Variants in PLXNA4 observed in about 807,000 individuals in gnomAD.
PLXNA4 encodes the protein plexin A4, also known as plexin-A4.
A neutral mutation model predicts 191.8 loss-of-function variants in PLXNA4; 44 were observed. That is an observed-to-expected ratio of 0.23 (90% CI 0.18 to 0.29). The LOEUF (loss-of-function observed/expected upper bound fraction) is 0.29. PLXNA4 is among the 10% of genes least tolerant of loss of function. The probability of loss-of-function intolerance (pLI) is 1.00; values close to 1 mark genes in which losing one functional copy is unlikely to be tolerated. For missense variants in PLXNA4, 1,800 were observed against 2,488.8 expected, an observed-to-expected ratio of 0.72 and a Z score of 5.89; for synonymous variants, 1,082 against 1,009.5, an observed-to-expected ratio of 1.07 and a Z score of -1.36.
intron 21 of PLXNA4, among the ~76,000 whole-genome samples, chr7:132,173,918 C>A (rs1472721804): frequency 3.9e-5 from 6 of 152,142 alleles, no homozygotes; most frequent in African/African-American, 1.4e-4. Context: ...GAGCTCAAAT[C>A]TTCCTTTGGC....
intron 3 of PLXNA4, among the ~76,000 whole-genome samples, chr7:132,382,554 T>C (rs1804939980): frequency 6.6e-6 from 1 of 152,182 alleles, no homozygotes; most frequent in Non-Finnish European, 1.5e-5. Flanking sequence ...CAGTCAATTT[T>C]AGTGAAAGGA....
chr7:132,277,441 A>G (rs1227553487), intron 4 of PLXNA4, among the ~76,000 whole-genome samples: 1 of 152,186 alleles, frequency 6.6e-6, no homozygotes, highest in African/African-American at 2.4e-5. Flanking sequence ...TCTGCCCTGC[A>G]GGAGAGTGCA....
In PLXNA4 at chr7:132,181,118, A is replaced by C. The variant is rs117028745; in HGVS notation, c.3492+263T>G. On this transcript the variant is annotated intron_variant, in intron 18 of 31. Transcript: ENST00000321063. ...GAGGAAGCAGTGAGCCTGACCTGCC[A>C]GTACTTGGACTTTCAGGACAATAAA... 1.9e-3 allele frequency among the ~76,000 whole-genome samples: 288 copies of C among 152,350 alleles called. 8 individuals carry two copies. In the South Asian group the frequency reaches 0.044, roughly 23 times the overall value.
At chr7:132,380,192 A>G (rs1804833772) in intron 3 of PLXNA4, among the ~76,000 whole-genome samples, 1 of 152,144 alleles carries the variant, frequency 6.6e-6, no homozygotes, top group South Asian at 2.1e-4. Flanking sequence ...CAAAATACCA[A>G]AGAACTAACC....
Position 132,211,026 on chromosome 7 carries a change from A to G in PLXNA4, c.2215T>C (p.Cys739Arg), listed in dbSNP as rs1446790707. Residue 739 changes from cysteine (C) to arginine (R), a missense_variant, in exon 10 of 32, where the codon TGC (cysteine) becomes CGC (arginine). Cys to Arg is a radical substitution (Grantham distance 180). This residue lies in a region of PLXNA4 where 1,397 missense variants were observed against 1,880.4 expected (regional missense o/e 0.74). Coordinates refer to ENST00000321063, the MANE Select transcript of PLXNA4 (RefSeq NM_020911.2). ...QPQSGQRGYE[C>R]ILNIQGSEQR... The stretch of plus-strand genomic sequence containing the variant: ...TCGCTGCCCTGAATGTTGAGGATGC[A>G]TTCGTAGCCACGCTGCCCAGACTGG... 6.2e-7 allele frequency: 1 copy of G among 1,614,080 alleles called. No individual in the cohort carries two copies. The highest frequency in any genetic ancestry group is 1.7e-5 in the Admixed American group (1 of 60,010).
intron 4 of PLXNA4, among the ~76,000 whole-genome samples, chr7:132,275,493 G>A (rs1800240609): frequency 6.6e-6 from 1 of 152,088 alleles, no homozygotes; most frequent in Admixed American, 6.5e-5. Flanking sequence ...GGTGATCAGA[G>A]GCACATTATA....
At chr7:132,231,338 T>C (rs572292174) in intron 5 of PLXNA4, among the ~76,000 whole-genome samples, 1 of 152,366 alleles carries the variant, frequency 6.6e-6, no homozygotes, top group Non-Finnish European at 1.5e-5. Context: ...ATCCTTTCTC[T>C]GACATCCTCA....
At chr7:132,264,572 G>A (rs989957807) in intron 4 of PLXNA4, among the ~76,000 whole-genome samples, 1 of 152,032 alleles carries the variant, frequency 6.6e-6, no homozygotes, top group African/African-American at 2.4e-5. Context: ...GGGCGAGCTG[G>A]GTTTATAACA....
intron 1 of PLXNA4, among the ~76,000 whole-genome samples, chr7:132,549,397 C>A (rs1179551133): frequency 3.3e-5 from 5 of 152,112 alleles, no homozygotes; most frequent in African/African-American, 1.2e-4. Flanking sequence ...CTTGAGGTGT[C>A]TTGGTAGGAA....
chr7:132,147,630 G>A (rs1258946238), intron 27 of PLXNA4, among the ~76,000 whole-genome samples: 1 of 152,228 alleles, frequency 6.6e-6, no homozygotes, highest in Non-Finnish European at 1.5e-5. Context: ...TGAACATGAT[G>A]TGAGATAATA....
At chr7:132,482,769 T>C (rs1207622328) in intron 3 of PLXNA4, among the ~76,000 whole-genome samples, 1 of 150,956 alleles carries the variant, frequency 6.6e-6, no homozygotes, top group East Asian at 2.0e-4. Context: ...CTCAGCTCAC[T>C]GCAACCTCCG....
Position 132,553,129 on chromosome 7 carries a change from C to T in PLXNA4, c.-87+23293G>A, listed in dbSNP as rs182202678. ...CTGCTCTGAATGCCTAGCTCTGGCA[C>T]GGCATCCACACATGGATGATCTAGA... On this transcript the variant is annotated intron_variant, in intron 1 of 31. Coordinates refer to ENST00000321063, the MANE Select transcript of PLXNA4 (RefSeq NM_020911.2). 2.6e-3 allele frequency among the ~76,000 whole-genome samples: 390 copies of T among 152,294 alleles called. 1 individual carries two copies. Among genetic ancestry groups the T allele is most frequent in the Non-Finnish European group, 4.4e-3 (301 of 68,026 alleles).
chr7:132,541,808 CA>C (rs1800099583), intron 1 of PLXNA4, among the ~76,000 whole-genome samples: 1 of 152,224 alleles, frequency 6.6e-6, no homozygotes, highest in African/African-American at 2.4e-5. Context: ...GCTCAGTTTC[CA>C]TTGGTGCATC....
chr7:132,572,536 C>T (rs1585371841), intron 1 of PLXNA4, among the ~76,000 whole-genome samples: 1 of 152,302 alleles, frequency 6.6e-6, no homozygotes, highest in Non-Finnish European at 1.5e-5. Flanking sequence ...TGCTCCATGC[C>T]ATGCAGGGAA....
intron 3 of PLXNA4, among the ~76,000 whole-genome samples, chr7:132,402,074 G>A (rs1202868400): frequency 6.6e-6 from 1 of 152,116 alleles, no homozygotes; most frequent in Non-Finnish European, 1.5e-5. Context: ...AAATGACCCG[G>A]GAAAGGGTAA....
At chr7:132,539,252 C>T (rs1380596298) in intron 1 of PLXNA4, among the ~76,000 whole-genome samples, 1 of 152,166 alleles carries the variant, frequency 6.6e-6, no homozygotes, top group Non-Finnish European at 1.5e-5. Flanking sequence ...CCACGTAGAG[C>T]CATACAATAT....
chr7:132,180,715 C>A lies in PLXNA4; in HGVS notation c.3510G>T (p.Pro1170=). Residue 1170 remains proline, a synonymous_variant, in exon 19 of 32, where the codon CCG becomes CCT. Transcript: ENST00000321063. ...PIILKGKNLI[P]PVAGGNVKLN... Reference sequence around the variant, plus strand: ...GCTTCACGTTGCCCCCAGCCACAGGCGGGATCAGGTTCTTGCCCTGTACAA... The same window carrying A: ...GCTTCACGTTGCCCCCAGCCACAGGAGGGATCAGGTTCTTGCCCTGTACAA... 1 of 1,614,142 alleles carries A rather than the reference C, an allele frequency of 6.2e-7. No homozygotes were observed. Among genetic ancestry groups the A allele is most frequent in the Non-Finnish European group, 8.5e-7 (1 of 1,179,996 alleles).
chr7:132,340,242 C>T (rs1470783967), intron 3 of PLXNA4, among the ~76,000 whole-genome samples: 2 of 152,204 alleles, frequency 1.3e-5, no homozygotes, highest in Non-Finnish European at 2.9e-5. Flanking sequence ...ACCAAACACT[C>T]CTCCCATCCC....
At chr7:132,168,692 C>T in intron 21 of PLXNA4, 120 bp from the exon 22 acceptor site, 2 of 1,370,832 alleles carry the variant, frequency 1.5e-6, no homozygotes, top group South Asian at 3.2e-5. Flanking sequence ...CCACAGTCCA[C>T]CTGGCTAATG....
Sources: gnomAD v4.1 joint callset for allele counts (sites outside exome capture counted in the v4.1 genomes callset) on GRCh38, gnomAD v4.1.1 for gene constraint, gnomAD v4.1.1 regional missense constraint, MANE v1.5 for transcripts, NCBI Gene and HGNC (gene_info 2026-07-23, HGNC 2026-07-21) for gene names.